The following WDFY4 variants were observed in gnomAD, a reference collection of about 807,000 sequenced individuals.
WDFY4 encodes the protein WDFY family member 4.
WDFY4 carries 169 observed loss-of-function variants against 351.9 expected under a neutral mutation model. That is an observed-to-expected ratio of 0.48 (90% CI 0.42 to 0.55). The LOEUF (loss-of-function observed/expected upper bound fraction) is 0.55, where lower values mean the gene tolerates loss of function less well. Among genes scored for constraint, WDFY4 ranks in the 20% least tolerant of loss-of-function variants. The probability of loss-of-function intolerance (pLI) is 0.00; values close to 1 mark genes in which losing one functional copy is unlikely to be tolerated. For synonymous variants in WDFY4, 1,622 were observed against 1,574.6 expected (o/e 1.03, Z -0.71); for missense variants, 3,803 against 3,935.6 (o/e 0.97, Z 0.90).
At chr10:48,941,423 A>G (rs978241464) in intron 47 of WDFY4, among the ~76,000 whole-genome samples, 1 of 152,164 alleles carries the variant, frequency 6.6e-6, no homozygotes. Context: ...CGTTGTTTGC[A>G]TTTTATCCAC....
chr10:48,776,807 G>A lies in WDFY4; in HGVS notation c.2921G>A (p.Gly974Glu), dbSNP rs1402022960. Residue 974 changes from glycine (G) to glutamate (E), a missense_variant, in exon 16 of 62, where the codon GGG becomes GAG. Physicochemically the swap from Gly to Glu is moderately conservative, Grantham distance 98 (BLOSUM62 -2). Transcript: ENST00000325239. ...CCCTGGCCAGCTGCCCCAGATGCTG[G>A]GCTGCACCCTGGAGTCACACAGGCC... ...EGPWPAAPDA[G>E]LHPGVTQAPQ... is the part of the protein sequence containing the mutation. 6.4e-7 allele frequency: 1 copy of A among 1,551,350 alleles called. No individual in the cohort carries two copies. Among genetic ancestry groups the A allele is most frequent in the Admixed American group, 2.0e-5 (1 of 50,980 alleles).
At chr10:48,966,403 T>A in intron 54 of WDFY4, 123 bp from the exon 55 acceptor site, 1 of 1,079,366 alleles carries the variant, frequency 9.3e-7, no homozygotes, top group Non-Finnish European at 1.3e-6. Context: ...CATGTTCAGC[T>A]CTGTCAGGAA....
chr10:48,745,070 A>T (rs2064967548), intron 12 of WDFY4, among the ~76,000 whole-genome samples: 1 of 152,066 alleles, frequency 6.6e-6, no homozygotes, highest in African/African-American at 2.4e-5. Context: ...TCTTTTTCTT[A>T]ACTTGGATGT....
intron 1 of WDFY4, among the ~76,000 whole-genome samples, chr10:48,689,077 GCTTGGCCAA>G (rs939590500): frequency 1.5e-4 from 23 of 151,940 alleles, no homozygotes; most frequent in African/African-American, 5.3e-4. Context: ...AAGCAAGGCA[GCTTGGCCAA>G]CTGGCAGAAA....
chr10:48,809,690 A>G (rs1483358239), intron 28 of WDFY4, among the ~76,000 whole-genome samples: 1 of 152,232 alleles, frequency 6.6e-6, no homozygotes, highest in Non-Finnish European at 1.5e-5. Flanking sequence ...CATCATCACC[A>G]TCATTATCAA....
intron 39 of WDFY4, among the ~76,000 whole-genome samples, chr10:48,857,938 C>G (rs973219702): frequency 2.6e-5 from 4 of 151,872 alleles, no homozygotes; most frequent in African/African-American, 9.7e-5. Flanking sequence ...ATTACTGGCA[C>G]CTGCCACCAT....
At chr10:48,696,785 A>G (rs4639855) in intron 1 of WDFY4, among the ~76,000 whole-genome samples, 3,579 of 152,346 alleles carry the variant, frequency 0.023, 138 homozygotes, top group African/African-American at 0.082. Flanking sequence ...AGAATGCAGA[A>G]GAGGCCATGC....
In WDFY4 at chr10:48,834,751, C is replaced by T. The variant is rs138194018; in HGVS notation, c.6663+2042C>T. On this transcript the variant is annotated intron_variant, in intron 39 of 61. Coordinates refer to ENST00000325239, the MANE Select transcript of WDFY4 (RefSeq NM_001394531.1). ...TGTTAGGGTGCTGGGCATGGGCATTCATCTCATGGGAACCCTCACACCTGT... is the reference window on the plus strand; with the variant it reads ...TGTTAGGGTGCTGGGCATGGGCATTTATCTCATGGGAACCCTCACACCTGT... 4.3e-3 allele frequency among the ~76,000 whole-genome samples: 656 copies of T among 152,350 alleles called. 6 individuals carry two copies. Among genetic ancestry groups the T allele is most frequent in the African/African-American group, 0.015 (623 of 41,576 alleles).
Position 48,805,252 on chromosome 10 carries a change from C to G in WDFY4, c.4485-8C>G. On this transcript the variant is annotated splice_polypyrimidine_tract_variant and splice_region_variant and intron_variant, in intron 25 of 61. Transcript: ENST00000325239. ...AAGCTTTTACTGTCTCTCTCCTGTA[C>G]TCACCAGGGAAGGACCCAGGAATGC... The G allele has an allele frequency of 6.5e-7, 1 of 1,541,298 alleles. No individual in the cohort carries two copies. Among genetic ancestry groups the G allele is most frequent in the Non-Finnish European group, 8.7e-7 (1 of 1,146,778 alleles).
chr10:48,933,501 G>A (rs1840159041), intron 47 of WDFY4, among the ~76,000 whole-genome samples: 1 of 152,218 alleles, frequency 6.6e-6, no homozygotes, highest in Non-Finnish European at 1.5e-5. Context: ...CACCCAGGAA[G>A]CTCCTGACTC....
Position 48,978,398 on chromosome 10 carries a change from C to G in WDFY4, c.9376+5C>G. 6.5e-7 allele frequency: 1 copy of G among 1,549,488 alleles called. No homozygotes were observed. On this transcript the variant is annotated splice_donor_5th_base_variant and intron_variant, in intron 60 of 61. Transcript: ENST00000325239. The stretch of plus-strand genomic sequence containing the variant: ...CTCAGCCTCCAAGCCCAAGAGGTAC[C>G]TGACCTGCTAGGGATGTGGCCGTCC...
intron 11 of WDFY4, among the ~76,000 whole-genome samples, chr10:48,739,064 T>C (rs2064765890): frequency 6.6e-6 from 1 of 152,274 alleles, no homozygotes; most frequent in Admixed American, 6.5e-5. Context: ...CCGGTGGGAC[T>C]GTGATTGGGT....
chr10:48,779,961 G>A lies in WDFY4; in HGVS notation c.3418G>A (p.Asp1140Asn), dbSNP rs984875077. 58 of 1,551,614 alleles carry A rather than the reference G, an allele frequency of 3.7e-5. No homozygotes were observed. Among genetic ancestry groups the A allele is most frequent in the Non-Finnish European group, 5.1e-5 (58 of 1,147,026 alleles). The part of the protein sequence containing the change: ...QPLDVMEPED[D>N]SEPSAGCQLQ... The stretch of plus-strand genomic sequence containing the variant: ...TCCAGATGTCATGGAACCTGAGGAT[G>A]ACTCCGAGCCTTCTGCAGGATGCCA... The change falls in exon 19 of 62, where the codon GAC (aspartate) becomes AAC (asparagine). Residue 1140 changes from aspartate to asparagine, a missense_variant. Around this residue, in one of 3 missense-constraint regions of WDFY4, gnomAD observed 3,054 missense variants for 3,148.6 expected, o/e 0.97. Transcript: ENST00000325239.
intron 38 of WDFY4, among the ~76,000 whole-genome samples, chr10:48,831,480 C>A (rs1187852379): frequency 2.0e-5 from 3 of 152,186 alleles, no homozygotes; most frequent in African/African-American, 7.2e-5. Context: ...ACTTGTACAT[C>A]TTCCAGAATC....
At chr10:48,859,180 A>G (rs544800238) in intron 39 of WDFY4, among the ~76,000 whole-genome samples, 1 of 152,158 alleles carries the variant, frequency 6.6e-6, no homozygotes, top group South Asian at 2.1e-4. Context: ...GGACAATTTT[A>G]TTTATTTCTT....
chr10:48,870,943 T>TC (rs1219067833), intron 40 of WDFY4, among the ~76,000 whole-genome samples: 2 of 36,606 alleles, frequency 5.5e-5, no homozygotes, highest in East Asian at 4.7e-3. Flanking sequence ...TATGCGTTCT[T>TC]TTTTTTTTTT....
At chr10:48,772,783 G>A (rs1187839395) in intron 13 of WDFY4, among the ~76,000 whole-genome samples, 4 of 149,638 alleles carry the variant, frequency 2.7e-5, no homozygotes, top group African/African-American at 1.0e-4. Context: ...ACCTATGAGT[G>A]AGAATATGCG....
At chr10:48,892,718 G>A (rs1836875938) in intron 44 of WDFY4, among the ~76,000 whole-genome samples, 1 of 152,226 alleles carries the variant, frequency 6.6e-6, no homozygotes. Context: ...GTAAAAGACT[G>A]CTATGGAATT....
chr10:48,818,522 C>T (rs2132971899), intron 32 of WDFY4, among the ~76,000 whole-genome samples: 1 of 152,284 alleles, frequency 6.6e-6, no homozygotes, highest in East Asian at 1.9e-4. Context: ...TTCCTCCAGG[C>T]TCACTGAGGG....
Sources: gnomAD v4.1 joint callset for allele counts (sites outside exome capture counted in the v4.1 genomes callset) on GRCh38, gnomAD v4.1.1 for gene constraint, gnomAD v4.1.1 regional missense constraint, MANE v1.5 for transcripts, NCBI Gene and HGNC (gene_info 2026-07-23, HGNC 2026-07-21) for gene names.